The following GRID1 variants were observed in gnomAD, a reference collection of about 807,000 sequenced individuals.
GRID1 encodes glutamate ionotropic receptor delta type subunit 1.
GRID1 carries 28 observed loss-of-function variants against 98.0 expected under a neutral mutation model. The observed-to-expected ratio is 0.29, with a 90% CI of 0.21 to 0.39. The LOEUF (loss-of-function observed/expected upper bound fraction) is 0.39, where lower values mean the gene tolerates loss of function less well. Ranked by LOEUF, GRID1 falls within the 10% of genes least tolerant of loss-of-function variation. The probability of loss-of-function intolerance (pLI) is 1.00; values close to 1 mark genes in which losing one functional copy is unlikely to be tolerated. For missense variants in GRID1, 1,111 were observed against 1,340.5 expected, an observed-to-expected ratio of 0.83 and a Z score of 2.67; for synonymous variants, 553 against 538.5, an observed-to-expected ratio of 1.03 and a Z score of -0.37.
intron 3 of GRID1, among the ~76,000 whole-genome samples, chr10:86,142,448 G>A (rs757492574): frequency 6.6e-6 from 1 of 152,242 alleles, no homozygotes; most frequent in Non-Finnish European, 1.5e-5. Flanking sequence ...CAGCCCCAGG[G>A]CAAGGCCACA....
In GRID1 at chr10:86,053,334, C is replaced by T. The variant is rs963122821; in HGVS notation, c.726+85485G>A. Among the ~76,000 whole-genome samples, 5 of 151,334 alleles carry T rather than the reference C, an allele frequency of 3.3e-5. No homozygotes were observed. The South Asian group carries it at 6.4e-4, about 19-fold the overall frequency. On this transcript the variant is annotated intron_variant, in intron 4 of 15. Coordinates refer to ENST00000327946, the MANE Select transcript of GRID1 (RefSeq NM_017551.3). ...TACTCTCGTGGACATCTACTTGTCT[C>T]GATTCTTTGCTCCATTTTTTTTTGT... is the stretch of plus-strand genomic sequence containing the variant.
At position 86,297,980 on chromosome 10, in the gene GRID1, C is replaced by G. The variant is rs148153127; in HGVS notation, c.235+65961G>C. Among the ~76,000 whole-genome samples the G allele has an allele frequency of 3.5e-4, 53 of 152,336 alleles. No homozygotes were observed. The Middle Eastern group carries it at 0.017, about 49-fold the overall frequency. Reference sequence around the variant, plus strand: ...TTCTTGCACACTGACAGGAAATGATCTTTTCGAAAGCAATTTGGCGTTACC... The same window carrying G: ...TTCTTGCACACTGACAGGAAATGATGTTTTCGAAAGCAATTTGGCGTTACC... On this transcript the variant is annotated intron_variant, in intron 2 of 15. Coordinates refer to ENST00000327946, the MANE Select transcript of GRID1 (RefSeq NM_017551.3).
At chr10:86,223,516 C>CA (rs1846292425) in intron 2 of GRID1, among the ~76,000 whole-genome samples, 1 of 152,210 alleles carries the variant, frequency 6.6e-6, no homozygotes, top group African/African-American at 2.4e-5. Flanking sequence ...CATGATGGTG[C>CA]AGGGAGCTTT....
intron 4 of GRID1, among the ~76,000 whole-genome samples, chr10:85,944,515 T>C (rs1842031297): frequency 6.6e-6 from 1 of 152,180 alleles, no homozygotes; most frequent in African/African-American, 2.4e-5. Flanking sequence ...TGAAAATACA[T>C]ATAGCCTTTG....
chr10:86,317,943 G>A (rs926534054), intron 2 of GRID1, among the ~76,000 whole-genome samples: 6 of 152,144 alleles, frequency 3.9e-5, no homozygotes, highest in Non-Finnish European at 8.8e-5. Context: ...GGGTATTGCC[G>A]TTGCCCAGGC....
intron 5 of GRID1, among the ~76,000 whole-genome samples, chr10:85,871,411 G>A (rs1006875226): frequency 6.6e-6 from 1 of 152,182 alleles, no homozygotes; most frequent in African/African-American, 2.4e-5. Context: ...TCTAAGTCAG[G>A]ATAAGTCAGC....
chr10:86,239,052 C>T (rs1268484882), intron 2 of GRID1, among the ~76,000 whole-genome samples: 1 of 152,144 alleles, frequency 6.6e-6, no homozygotes. Context: ...CCTAGAAAAG[C>T]CACAGGCACT....
intron 4 of GRID1, among the ~76,000 whole-genome samples, chr10:86,096,504 T>C (rs549348704): frequency 1.3e-5 from 2 of 152,346 alleles, no homozygotes; most frequent in South Asian, 4.1e-4. Flanking sequence ...TTGCCCTTAC[T>C]GGAATAGCCA....
At chr10:86,259,162 G>C (rs1026578201) in intron 2 of GRID1, among the ~76,000 whole-genome samples, 2 of 152,378 alleles carry the variant, frequency 1.3e-5, no homozygotes, top group East Asian at 3.9e-4. Flanking sequence ...TGCAGGAGGA[G>C]CTATAAGAAC....
chr10:85,984,134 G>C (rs998737146), intron 4 of GRID1, among the ~76,000 whole-genome samples: 5 of 151,950 alleles, frequency 3.3e-5, no homozygotes, highest in African/African-American at 1.2e-4. Context: ...CTGCACCACA[G>C]AGAGAGGCTC....
chr10:86,144,381 C>T (rs1845054913), intron 3 of GRID1, among the ~76,000 whole-genome samples: 1 of 152,120 alleles, frequency 6.6e-6, no homozygotes, highest in South Asian at 2.1e-4. Context: ...CCTTGCTCGC[C>T]CCATGACAAG....
chr10:86,295,142 A>T (rs747412777), intron 2 of GRID1, among the ~76,000 whole-genome samples: 4 of 152,130 alleles, frequency 2.6e-5, no homozygotes, highest in Non-Finnish European at 4.4e-5. Context: ...CCTTTTCAAG[A>T]GCTTCGCTGT....
intron 4 of GRID1, among the ~76,000 whole-genome samples, chr10:86,125,279 C>T (rs1844735988): frequency 6.6e-6 from 1 of 152,252 alleles, no homozygotes; most frequent in Non-Finnish European, 1.5e-5. Context: ...ACCCTCCCCA[C>T]CTCAGCACAG....
chr10:85,785,513 A>C (rs1183415371), intron 8 of GRID1, among the ~76,000 whole-genome samples: 1 of 152,204 alleles, frequency 6.6e-6, no homozygotes, highest in Non-Finnish European at 1.5e-5. Context: ...CCCCTCCATA[A>C]GCTGGATGAA....
In GRID1 at chr10:86,331,116, G is replaced by A. The variant is rs117034599; in HGVS notation, c.235+32825C>T. Reference sequence around the variant, plus strand: ...TGCAGGAGGCATCTGGAAGCCCATCGCTGATCATCGTCACCCATGTAGAGC... The same window carrying A: ...TGCAGGAGGCATCTGGAAGCCCATCACTGATCATCGTCACCCATGTAGAGC... On this transcript the variant is annotated intron_variant, in intron 2 of 15. Transcript: ENST00000327946. Among the ~76,000 whole-genome samples the A allele has an allele frequency of 9.2e-5, 14 of 152,372 alleles. No individual in the cohort carries two copies. The East Asian group carries it at 1.9e-3, about 21-fold the overall frequency.
intron 2 of GRID1, among the ~76,000 whole-genome samples, chr10:86,355,512 C>T (rs966073174): frequency 6.6e-6 from 1 of 152,168 alleles, no homozygotes; most frequent in African/African-American, 2.4e-5. Context: ...CCCTAGTCCC[C>T]CAGCTAACAC....
At chr10:86,164,773 G>A (rs1045719982) in intron 3 of GRID1, among the ~76,000 whole-genome samples, 3 of 152,094 alleles carry the variant, frequency 2.0e-5, no homozygotes, top group Non-Finnish European at 4.4e-5. Flanking sequence ...CTCCAGGACC[G>A]ATGGAAGCCA....
At chr10:86,200,978 A>G (rs1163866093) in intron 3 of GRID1, among the ~76,000 whole-genome samples, 3 of 152,226 alleles carry the variant, frequency 2.0e-5, no homozygotes, top group Non-Finnish European at 4.4e-5. Flanking sequence ...GGTAGTGTGA[A>G]TAGGTAGGAA....
At chr10:86,047,772 T>C (rs1304904746) in intron 4 of GRID1, among the ~76,000 whole-genome samples, 3 of 152,022 alleles carry the variant, frequency 2.0e-5, no homozygotes, top group Non-Finnish European at 4.4e-5. Context: ...TAATCAAGAC[T>C]GCGAAATGAA....
Sources: gnomAD v4.1 joint callset for allele counts (sites outside exome capture counted in the v4.1 genomes callset) on GRCh38, gnomAD v4.1.1 for gene constraint, MANE v1.5 for transcripts, NCBI Gene and HGNC (gene_info 2026-07-23, HGNC 2026-07-21) for gene names.